LYPLAL1: variants seen among roughly 807,000 people sequenced by gnomAD.
The protein encoded by LYPLAL1 is lysophospholipase-like protein 1.
In LYPLAL1, 23 loss-of-function variants were observed where a neutral mutation model predicts 19.7. That is an observed-to-expected ratio of 1.17 (90% confidence interval 0.84 to 1.65). The LOEUF (loss-of-function observed/expected upper bound fraction) is 1.65. Ranked by LOEUF, LYPLAL1 falls within the 40% of genes most tolerant of loss-of-function variation. LYPLAL1 has a pLI of 0.00. For missense variants in LYPLAL1, 355 were observed against 279.4 expected (o/e 1.27, Z -1.93); for synonymous variants, 119 against 96.3 (o/e 1.24, Z -1.38).
At chr1:219,239,234 G>C in the LYPLAL1 span, among the ~76,000 whole-genome samples, 2 of 152,170 alleles carry the variant, frequency 1.3e-5, no homozygotes, top group South Asian at 4.1e-4. Context: ...ATAAATGAGA[G>C]AGCTGGGATT....
At chr1:219,255,655 A>G in the LYPLAL1 span, among the ~76,000 whole-genome samples, 1 of 151,956 alleles carries the variant, frequency 6.6e-6, no homozygotes, top group African/African-American at 2.4e-5. Context: ...ACAAGAGTAG[A>G]CAAGCCTGTC....
intron 3 of LYPLAL1, among the ~76,000 whole-genome samples, chr1:219,202,299 A>G (rs995239074): frequency 7.9e-5 from 12 of 152,300 alleles, no homozygotes; most frequent in African/African-American, 2.9e-4. Context: ...TACATACTTC[A>G]TACCACCCAT....
At chr1:219,215,505 TG>T (rs2125129340), downstream of LYPLAL1, among the ~76,000 whole-genome samples, 1 of 152,230 alleles carries the variant, frequency 6.6e-6, no homozygotes, top group African/African-American at 2.4e-5. Flanking sequence ...TTCCCCAGCC[TG>T]AGGGTGTTTA....
the LYPLAL1 span, among the ~76,000 whole-genome samples, chr1:219,398,673 C>T: frequency 6.6e-6 from 1 of 152,206 alleles, no homozygotes; most frequent in Non-Finnish European, 1.5e-5. Flanking sequence ...CCTTTCTCAT[C>T]TTTAAGGGCT....
the LYPLAL1 span, among the ~76,000 whole-genome samples, chr1:219,356,350 A>G: frequency 6.6e-6 from 1 of 152,034 alleles, no homozygotes; most frequent in Admixed American, 6.5e-5. Flanking sequence ...AAATACAAAA[A>G]TTAGCTGGGC....
At chr1:219,422,695 G>C in the LYPLAL1 span, among the ~76,000 whole-genome samples, 17 of 152,220 alleles carry the variant, frequency 1.1e-4, no homozygotes, top group African/African-American at 3.6e-4. Flanking sequence ...ATATTCAAGA[G>C]GCATAAATAA....
At chr1:219,352,013 A>G in the LYPLAL1 span, among the ~76,000 whole-genome samples, 1 of 152,214 alleles carries the variant, frequency 6.6e-6, no homozygotes, top group Non-Finnish European at 1.5e-5. Context: ...TGTAAATTCT[A>G]TTTTTAATGT....
the LYPLAL1 span, among the ~76,000 whole-genome samples, chr1:219,361,507 C>T: frequency 6.6e-6 from 1 of 152,030 alleles, no homozygotes; most frequent in African/African-American, 2.4e-5. Flanking sequence ...GTGGAGAGCT[C>T]AGAGAATGTA....
chr1:219,311,339 C>T, the LYPLAL1 span, among the ~76,000 whole-genome samples: 1 of 152,118 alleles, frequency 6.6e-6, no homozygotes, highest in African/African-American at 2.4e-5. Flanking sequence ...ATGCTGTAAT[C>T]TACAGATTCC....
At chr1:219,287,360 T>A in the LYPLAL1 span, among the ~76,000 whole-genome samples, 2 of 152,150 alleles carry the variant, frequency 1.3e-5, no homozygotes, top group African/African-American at 4.8e-5. Flanking sequence ...TGCAATTAGG[T>A]CCCAGGTAGG....
At chr1:219,382,545 G>C in the LYPLAL1 span, among the ~76,000 whole-genome samples, 1 of 152,066 alleles carries the variant, frequency 6.6e-6, no homozygotes, top group Admixed American at 6.5e-5. Context: ...TGGATTTTCA[G>C]TAGAGACAGG....
At chr1:219,277,011 A>G in the LYPLAL1 span, among the ~76,000 whole-genome samples, 1 of 152,226 alleles carries the variant, frequency 6.6e-6, no homozygotes, top group Non-Finnish European at 1.5e-5. Context: ...TCACAAGGAA[A>G]AATGAACAAT....
At chr1:219,350,759 C>T in the LYPLAL1 span, among the ~76,000 whole-genome samples, 5 of 152,134 alleles carry the variant, frequency 3.3e-5, no homozygotes, top group Admixed American at 3.3e-4. Flanking sequence ...CCAGGAAACT[C>T]GATGACATAT....
At chr1:219,346,443 C>G in the LYPLAL1 span, among the ~76,000 whole-genome samples, 2 of 145,752 alleles carry the variant, frequency 1.4e-5, no homozygotes, top group Admixed American at 1.4e-4. Context: ...CTTTTAAGAC[C>G]AGGAGGGTCA....
In LYPLAL1 at chr1:219,212,245, A is replaced by G. The variant is rs1659098491; in HGVS notation, c.*517A>G. On this transcript the variant is annotated 3_prime_UTR_variant, in exon 5 of 5. Coordinates refer to ENST00000366928, the MANE Select transcript of LYPLAL1 (RefSeq NM_138794.5). ...ATTTAATAATAGCAATAGAGGAGTTAAAGACTTTCCCACAGCTTGCAGGTC... is the reference window on the plus strand; with the variant it reads ...ATTTAATAATAGCAATAGAGGAGTTGAAGACTTTCCCACAGCTTGCAGGTC... 6.6e-6 allele frequency: 1 copy of G among 152,070 alleles called. No individual in the cohort carries two copies. 9.4% of individuals were successfully genotyped at this position (152,070 alleles called of 1,614,324 possible).
At chr1:219,233,439 T>A in the LYPLAL1 span, among the ~76,000 whole-genome samples, 5 of 152,158 alleles carry the variant, frequency 3.3e-5, no homozygotes, top group Admixed American at 2.0e-4. Flanking sequence ...TTAATATACT[T>A]AACATACTAA....
the LYPLAL1 span, among the ~76,000 whole-genome samples, chr1:219,263,015 G>A: frequency 2.0e-5 from 3 of 152,184 alleles, no homozygotes; most frequent in Non-Finnish European, 4.4e-5. Context: ...GCAGTAGAAG[G>A]GGGATATAAG....
At chr1:219,270,304 C>T in the LYPLAL1 span, among the ~76,000 whole-genome samples, 4 of 152,214 alleles carry the variant, frequency 2.6e-5, no homozygotes, top group Non-Finnish European at 4.4e-5. Context: ...AAGAGAAGTG[C>T]TCTCTCTGCT....
In LYPLAL1 at chr1:219,173,965, C is replaced by T. The variant is rs919141668; in HGVS notation, c.75C>T (p.Ile25=). Residue 25 remains isoleucine (I), a synonymous_variant, in exon 1 of 5, where the codon ATC becomes ATT. Transcript: ENST00000366928. ...CAGGGAGGCATAGCGCCTCTCTGATCTTCCTGCATGGCTCAGGTGGATTTC... is the reference window on the plus strand; with the variant it reads ...CAGGGAGGCATAGCGCCTCTCTGATTTTCCTGCATGGCTCAGGTGGATTTC... ...SPAGRHSASL[I]FLHGSGDSGQ... 2 of 1,614,086 alleles carry T rather than the reference C, an allele frequency of 1.2e-6. No individual in the cohort carries two copies. The highest frequency in any genetic ancestry group is 8.5e-7 in the Non-Finnish European group (1 of 1,179,982).
Sources: allele counts gnomAD v4.1 joint callset (sites outside exome capture counted in the v4.1 genomes callset), GRCh38; gene constraint gnomAD v4.1.1; transcripts MANE v1.5; gene names NCBI Gene and HGNC (gene_info 2026-07-23, HGNC 2026-07-21).